The following IL20RA variants were observed in gnomAD, a reference collection of about 807,000 sequenced individuals.
The protein encoded by IL20RA is interleukin 20 receptor subunit alpha, also known as interleukin-20 receptor subunit alpha.
IL20RA carries 29 observed loss-of-function variants against 36.5 expected under a neutral mutation model. The ratio of observed to expected loss-of-function variants is 0.79; its 90% CI spans 0.59 to 1.08. The LOEUF (loss-of-function observed/expected upper bound fraction) is 1.08, where lower values mean the gene tolerates loss of function less well. IL20RA is among the 50% of genes least tolerant of loss of function. The probability of loss-of-function intolerance (pLI) is 0.00; values close to 1 mark genes in which losing one functional copy is unlikely to be tolerated. For missense variants in IL20RA, 652 were observed against 668.4 expected, an observed-to-expected ratio of 0.98 and a Z score of 0.27; for synonymous variants, 279 against 267.1, an observed-to-expected ratio of 1.04 and a Z score of -0.43.
At chr6:137,011,126 G>A in intron 3 of IL20RA, 148 bp downstream of exon 3, 1 of 556,330 alleles carries the variant, frequency 1.8e-6, no homozygotes, top group Non-Finnish European at 3.1e-6. Flanking sequence ...GCAAGGTTAA[G>A]GACTTTGTCC....
intron 1 of IL20RA, 143 bp downstream of exon 1, chr6:137,044,498 C>T (rs1776826290): frequency 1.1e-6 from 1 of 908,932 alleles, no homozygotes; most frequent in Non-Finnish European, 1.4e-6. Flanking sequence ...GAAGCTCCGG[C>T]CTCCGCGCAC....
chr6:137,041,815 A>AAT (rs71009524), intron 1 of IL20RA, among the ~76,000 whole-genome samples: 40,828 of 148,954 alleles, frequency 0.27, 5,807 homozygotes, highest in South Asian at 0.38. Flanking sequence ...TTTTTTTTTA[A>AAT]ATATATATAT....
chr6:137,015,939 G>C (rs547537141), intron 2 of IL20RA, among the ~76,000 whole-genome samples: 1 of 152,298 alleles, frequency 6.6e-6, no homozygotes, highest in East Asian at 1.9e-4. Context: ...TTACAGGTGA[G>C]AGCCACCGTG....
At chr6:137,033,961 G>A (rs1247519286) in intron 1 of IL20RA, among the ~76,000 whole-genome samples, 1 of 152,166 alleles carries the variant, frequency 6.6e-6, no homozygotes, top group African/African-American at 2.4e-5. Flanking sequence ...CAGTTCCTTT[G>A]ATGTTGTTCA....
chr6:137,041,082 A>C (rs1260605794), intron 1 of IL20RA, among the ~76,000 whole-genome samples: 2 of 152,254 alleles, frequency 1.3e-5, no homozygotes, highest in East Asian at 3.8e-4. Context: ...AAAATTGAAT[A>C]ACCTCATTCT....
At chr6:137,039,096 C>T (rs940050366) in intron 1 of IL20RA, among the ~76,000 whole-genome samples, 7 of 152,152 alleles carry the variant, frequency 4.6e-5, no homozygotes, top group Non-Finnish European at 2.9e-5. Flanking sequence ...CAGAGCTAAA[C>T]GAAAAGGTAT....
chr6:137,004,135 C>T (rs915005220), intron 6 of IL20RA, among the ~76,000 whole-genome samples: 34 of 132,470 alleles, frequency 2.6e-4, no homozygotes, highest in Non-Finnish European at 4.6e-4. Context: ...GGAAAATGTT[C>T]TGTTAGTCAG....
At chr6:137,009,275 G>A in intron 4 of IL20RA, 42 bp downstream of exon 4, 1 of 1,494,666 alleles carries the variant, frequency 6.7e-7, no homozygotes, top group African/African-American at 1.4e-5. Context: ...ATTAGCTACA[G>A]AGTGGTACAT....
intron 2 of IL20RA, 110 bp downstream of exon 2, chr6:137,016,858 T>G (rs1415768352): frequency 3.0e-6 from 3 of 1,011,294 alleles, no homozygotes; most frequent in Non-Finnish European, 4.4e-6. Context: ...ATCTAAAACT[T>G]TTCTCTTTTT....
intron 1 of IL20RA, among the ~76,000 whole-genome samples, chr6:137,034,000 G>A (rs1410359688): frequency 6.6e-6 from 1 of 152,168 alleles, no homozygotes; most frequent in African/African-American, 2.4e-5. Context: ...TTAAAGGACT[G>A]GGTTGACTCA....
rs1562231871 is a variant in IL20RA, at chr6:137,011,123, T to G, written c.403+151A>C. On this transcript the variant is annotated intron_variant, in intron 3 of 6. Coordinates refer to ENST00000316649, the MANE Select transcript of IL20RA (RefSeq NM_014432.4). ...AGGTGAGACTCAGAGCCAGCAAGGT[T>G]AAGGACTTTGTCCTGCTCACTCAAC... 1.6e-5 allele frequency: 9 copies of G among 550,802 alleles called. 1 individual carries two copies. The highest frequency in any genetic ancestry group is 2.5e-5 in the Non-Finnish European group (8 of 315,032). The allele number at this position is 550,802 out of a possible 1,614,324, so 34.1% of individuals were successfully genotyped here. A position where few individuals can be genotyped will look rare whatever the true frequency, so the allele number is the denominator to read the frequency against.
At chr6:137,031,383 G>A (rs957204074) in intron 1 of IL20RA, among the ~76,000 whole-genome samples, 11 of 152,144 alleles carry the variant, frequency 7.2e-5, no homozygotes, top group East Asian at 1.9e-4. Flanking sequence ...CAGAAATAAT[G>A]TCACGTGCTG....
At chr6:137,027,785 A>G (rs1776145764) in intron 1 of IL20RA, among the ~76,000 whole-genome samples, 1 of 152,178 alleles carries the variant, frequency 6.6e-6, no homozygotes, top group African/African-American at 2.4e-5. Context: ...TGACTTGCCC[A>G]TGGTTTTTCA....
At chr6:137,033,666 A>G (rs752933498) in intron 1 of IL20RA, among the ~76,000 whole-genome samples, 2 of 152,320 alleles carry the variant, frequency 1.3e-5, no homozygotes, top group Non-Finnish European at 2.9e-5. Flanking sequence ...GGCCTCCCCA[A>G]AAGCCAAGCA....
intron 6 of IL20RA, among the ~76,000 whole-genome samples, chr6:137,003,042 G>C (rs935365997): frequency 6.6e-6 from 1 of 152,178 alleles, no homozygotes; most frequent in African/African-American, 2.4e-5. Context: ...TGTTATCTAA[G>C]AGAGCATGAG....
rs754761225 is a variant in IL20RA at position 137,004,790 on chromosome 6, C to T, written c.725-30G>A. On this transcript the variant is annotated intron_variant, in intron 5 of 6. Transcript: ENST00000316649. ...AAAAAAAAAAAAAAAGGTGGGAATT[C>T]GGGGGAAGGGATTAGATAGTTGTGA... 114 of 1,563,474 alleles carry T rather than the reference C, an allele frequency of 7.3e-5. No individual in the cohort carries two copies. In the Admixed American group the frequency reaches 1.4e-3, roughly 20 times the overall value.
Position 137,030,070 on chromosome 6 carries a change from G to GTTTTTTTTTTTTTT in IL20RA, c.89-12981_89-12968dup, listed in dbSNP as rs1188809232. ...GGTGGAAAATGTCAGCGGTTTGCGG[G>GTTTTTTTTTTTTTT]TTTTTTTTTTTTTTTTTTTTTTTTT... On this transcript the variant is annotated intron_variant, in intron 1 of 6. Coordinates refer to ENST00000316649, the MANE Select transcript of IL20RA (RefSeq NM_014432.4). Among the ~76,000 whole-genome samples the GTTTTTTTTTTTTTT allele has an allele frequency of 3.2e-4, 20 of 62,856 alleles. 6 individuals carry two copies. Among genetic ancestry groups the GTTTTTTTTTTTTTT allele is most frequent in the Non-Finnish European group, 4.3e-4 (16 of 37,204 alleles). 41.2% of individuals were successfully genotyped at this position (62,856 alleles called of 152,430 possible).
intron 1 of IL20RA, among the ~76,000 whole-genome samples, chr6:137,021,643 G>A (rs1775911012): frequency 1.3e-5 from 2 of 152,122 alleles, no homozygotes; most frequent in South Asian, 2.1e-4. Flanking sequence ...ACTCCAGCCT[G>A]GGCAACAGAG....
chr6:137,007,150 C>T (rs561234936), intron 5 of IL20RA, among the ~76,000 whole-genome samples: 50 of 152,318 alleles, frequency 3.3e-4, no homozygotes, highest in African/African-American at 1.2e-3. Context: ...TTCCCACCAG[C>T]TGGCACTGAT....
Sources: gnomAD v4.1 joint callset for allele counts (sites outside exome capture counted in the v4.1 genomes callset) on GRCh38, gnomAD v4.1.1 for gene constraint, MANE v1.5 for transcripts, NCBI Gene and HGNC (gene_info 2026-07-23, HGNC 2026-07-21) for gene names.